HPSE2: variants seen among roughly 807,000 people sequenced by gnomAD.
The protein encoded by HPSE2 is inactive heparanase-2.
Under a neutral mutation model 60.5 loss-of-function variants are expected in HPSE2, and 38 were observed. The observed-to-expected ratio is 0.63, with a 90% CI of 0.48 to 0.82. The LOEUF is 0.82. Among genes scored for constraint, HPSE2 ranks in the 40% least tolerant of loss-of-function variants. The pLI, the probability that HPSE2 is intolerant of heterozygous loss-of-function variation, is 0.00. For synonymous variants in HPSE2, 295 were observed against 293.2 expected (o/e 1.01, Z -0.06); for missense variants, 713 against 740.4 (o/e 0.96, Z 0.43).
chr10:98,462,938 C>T (rs1481221557), intron 11 of HPSE2, among the ~76,000 whole-genome samples: 6 of 149,060 alleles, frequency 4.0e-5, no homozygotes, highest in Non-Finnish European at 1.5e-5. Flanking sequence ...ATCTTCTCCT[C>T]AAACTCTGTC....
intron 3 of HPSE2, among the ~76,000 whole-genome samples, chr10:99,045,732 T>C (rs1012616561): frequency 2.0e-5 from 3 of 152,060 alleles, no homozygotes; most frequent in African/African-American, 4.8e-5. Context: ...TTAGAAAATC[T>C]AGAGGACATG....
intron 9 of HPSE2, among the ~76,000 whole-genome samples, chr10:98,600,579 A>C (rs192642124): frequency 4.2e-4 from 64 of 152,140 alleles, no homozygotes; most frequent in East Asian, 3.9e-4. Flanking sequence ...TTTCAACTCA[A>C]ATGTTTCTCC....
the HPSE2 span, among the ~76,000 whole-genome samples, chr10:99,265,836 T>A: frequency 6.6e-6 from 1 of 152,156 alleles, no homozygotes; most frequent in African/African-American, 2.4e-5. Flanking sequence ...AGGGGGATTG[T>A]CCACGCCCAA....
At chr10:98,570,789 T>C (rs978296076) in intron 9 of HPSE2, among the ~76,000 whole-genome samples, 2 of 150,984 alleles carry the variant, frequency 1.3e-5, no homozygotes, top group Admixed American at 6.7e-5. Flanking sequence ...AGTCCCATTA[T>C]AACACGCACC....
chr10:98,531,440 T>C (rs924369854), intron 9 of HPSE2, among the ~76,000 whole-genome samples: 2 of 152,136 alleles, frequency 1.3e-5, no homozygotes, highest in Non-Finnish European at 2.9e-5. Flanking sequence ...CAGCCCCACA[T>C]CCAAGGGTGT....
chr10:98,687,027 G>T (rs996512278), intron 6 of HPSE2, among the ~76,000 whole-genome samples: 5 of 151,948 alleles, frequency 3.3e-5, no homozygotes, highest in Non-Finnish European at 7.4e-5. Flanking sequence ...TTCCAACTAT[G>T]ATAGTGGATT....
chr10:99,220,314 C>T (rs1452383452), intron 2 of HPSE2, among the ~76,000 whole-genome samples: 1 of 151,654 alleles, frequency 6.6e-6, no homozygotes, highest in Non-Finnish European at 1.5e-5. Flanking sequence ...AGAGAATAAA[C>T]AGGTCCTCTG....
At chr10:98,459,818 C>A in intron 11 of HPSE2, 79 bp from the exon 12 acceptor site, 2 of 1,372,502 alleles carry the variant, frequency 1.5e-6, no homozygotes, top group South Asian at 1.2e-5. Context: ...CCCCAGATGG[C>A]CTGGCAGTGT....
intron 3 of HPSE2, among the ~76,000 whole-genome samples, chr10:98,816,031 G>T (rs1448420438): frequency 7.4e-6 from 1 of 135,520 alleles, no homozygotes; most frequent in Admixed American, 7.5e-5. Context: ...CTGTTGTGGG[G>T]TGGGGGGGAG....
the HPSE2 span, among the ~76,000 whole-genome samples, chr10:99,245,766 C>G: frequency 2.0e-5 from 3 of 152,166 alleles, no homozygotes; most frequent in Non-Finnish European, 4.4e-5. Flanking sequence ...AGCCAGTAAT[C>G]CCACTGCTGG....
At chr10:99,158,887 G>A (rs1846702691) in intron 2 of HPSE2, among the ~76,000 whole-genome samples, 1 of 151,944 alleles carries the variant, frequency 6.6e-6, no homozygotes, top group African/African-American at 2.4e-5. Context: ...AAATATCAAA[G>A]TGAAAGACAT....
intron 4 of HPSE2, among the ~76,000 whole-genome samples, chr10:98,726,779 G>T (rs1166895821): frequency 6.6e-6 from 1 of 151,950 alleles, no homozygotes; most frequent in Non-Finnish European, 1.5e-5. Context: ...GGGACTACAG[G>T]ATAGAAGTGT....
At chr10:98,639,021 A>G (rs1946571019) in intron 7 of HPSE2, among the ~76,000 whole-genome samples, 1 of 152,174 alleles carries the variant, frequency 6.6e-6, no homozygotes. Flanking sequence ...CCGCATTGAA[A>G]GGAGGAGTTT....
chr10:98,551,067 T>C (rs1260183611), intron 9 of HPSE2, among the ~76,000 whole-genome samples: 1 of 152,066 alleles, frequency 6.6e-6, no homozygotes, highest in Non-Finnish European at 1.5e-5. Flanking sequence ...GACTGAAGCA[T>C]AAAGGGAATT....
intron 3 of HPSE2, among the ~76,000 whole-genome samples, chr10:99,032,826 C>T (rs1957527636): frequency 6.6e-6 from 1 of 152,188 alleles, no homozygotes; most frequent in African/African-American, 2.4e-5. Context: ...ATCCTCAAAG[C>T]CAGCAACAAG....
At chr10:98,739,465 A>T (rs1274384594) in intron 4 of HPSE2, among the ~76,000 whole-genome samples, 1 of 152,016 alleles carries the variant, frequency 6.6e-6, no homozygotes, top group Non-Finnish European at 1.5e-5. Context: ...AAAAAGAAGA[A>T]GAAAAAAAGA....
intron 4 of HPSE2, among the ~76,000 whole-genome samples, chr10:98,734,498 C>A (rs1431046758): frequency 2.0e-5 from 3 of 152,088 alleles, no homozygotes; most frequent in Non-Finnish European, 4.4e-5. Flanking sequence ...AGTTTCTCCA[C>A]AACCTTGTCA....
At chr10:98,576,894 G>T (rs1944655984) in intron 9 of HPSE2, among the ~76,000 whole-genome samples, 1 of 151,208 alleles carries the variant, frequency 6.6e-6, no homozygotes, top group Non-Finnish European at 1.5e-5. Context: ...ATATTCACAT[G>T]GTTAAAAAAA....
intron 3 of HPSE2, among the ~76,000 whole-genome samples, chr10:99,006,248 T>C (rs1956890412): frequency 6.6e-6 from 1 of 151,978 alleles, no homozygotes; most frequent in Non-Finnish European, 1.5e-5. Context: ...TCTGGATCTA[T>C]AAGGTGGTCC....
Sources: allele counts gnomAD v4.1 joint callset (sites outside exome capture counted in the v4.1 genomes callset), GRCh38; gene constraint gnomAD v4.1.1; transcripts MANE v1.5; gene names NCBI Gene and HGNC (gene_info 2026-07-23, HGNC 2026-07-21).